Variants in WWP2 observed in about 807,000 individuals in gnomAD.
WWP2 encodes the protein NEDD4-like E3 ubiquitin-protein ligase WWP2.
Under a neutral mutation model 121.0 loss-of-function variants are expected in WWP2, and 57 were observed. The ratio of observed to expected loss-of-function variants is 0.47; its 90% CI spans 0.38 to 0.59. The LOEUF (loss-of-function observed/expected upper bound fraction) is 0.59, where lower values mean the gene tolerates loss of function less well. Among genes scored for constraint, WWP2 ranks in the 20% least tolerant of loss-of-function variants. The pLI, the probability that WWP2 is intolerant of heterozygous loss-of-function variation, is 0.00. For missense variants in WWP2, 962 were observed against 1,158.9 expected (o/e 0.83, Z 2.47); for synonymous variants, 449 against 441.3 (o/e 1.02, Z -0.22).
At chr16:69,828,502 G>A (rs1597014015) in intron 4 of WWP2, among the ~76,000 whole-genome samples, 1 of 152,106 alleles carries the variant, frequency 6.6e-6, no homozygotes, top group Admixed American at 6.6e-5. Context: ...GAGTAGCTGG[G>A]ATCACAGGCA....
At chr16:69,926,826 C>T (rs1440011738) in intron 11 of WWP2, among the ~76,000 whole-genome samples, 1 of 152,162 alleles carries the variant, frequency 6.6e-6, no homozygotes, top group Admixed American at 6.5e-5. Flanking sequence ...CCTGCGTCGT[C>T]AGTAGGCAGG....
At chr16:69,825,699 C>T (rs1310613343) in intron 4 of WWP2, among the ~76,000 whole-genome samples, 1 of 148,006 alleles carries the variant, frequency 6.8e-6, no homozygotes, top group Non-Finnish European at 1.5e-5. Context: ...GATCACAGCT[C>T]ACTGCAGCCT....
intron 4 of WWP2, among the ~76,000 whole-genome samples, chr16:69,802,895 G>A (rs1395651537): frequency 2.6e-5 from 4 of 151,854 alleles, no homozygotes; most frequent in Admixed American, 6.6e-5. Flanking sequence ...ATAAACCACC[G>A]CATCTGGCCC....
intron 8 of WWP2, among the ~76,000 whole-genome samples, chr16:69,905,367 T>C (rs1245466784): frequency 6.6e-6 from 1 of 152,188 alleles, no homozygotes; most frequent in African/African-American, 2.4e-5. Flanking sequence ...GTGTACCTTC[T>C]TCCAGGAGAT....
intron 4 of WWP2, among the ~76,000 whole-genome samples, chr16:69,829,357 C>G (rs1193246098): frequency 1.3e-5 from 2 of 152,192 alleles, no homozygotes; most frequent in African/African-American, 4.8e-5. Context: ...CCCTTTAGCA[C>G]TGTGCAGTGG....
chr16:69,917,649 T>C (rs1322228324), intron 9 of WWP2, 60 bp from the exon 10 acceptor site: 16 of 1,570,378 alleles, frequency 1.0e-5, no homozygotes, highest in Middle Eastern at 1.7e-4. Flanking sequence ...GAGACTTTTC[T>C]AGAATTGGGG....
At chr16:69,833,455 G>A (rs1399343857) in intron 4 of WWP2, among the ~76,000 whole-genome samples, 1 of 152,174 alleles carries the variant, frequency 6.6e-6, no homozygotes, top group East Asian at 1.9e-4. Flanking sequence ...GGCACATGGT[G>A]TCTGATTGTC....
At chr16:69,812,126 T>C (rs534466005) in intron 4 of WWP2, among the ~76,000 whole-genome samples, 1 of 151,730 alleles carries the variant, frequency 6.6e-6, no homozygotes, top group African/African-American at 2.4e-5. Flanking sequence ...ATGTCTTTCA[T>C]GACATTGGCA....
In WWP2 at chr16:69,798,756, C is replaced by G. The variant is rs372438560; in HGVS notation, c.145C>G (p.Leu49Val). 6.2e-7 allele frequency: 1 copy of G among 1,613,932 alleles called. No homozygotes were observed. The highest frequency in any genetic ancestry group is 1.3e-5 in the African/African-American group (1 of 74,874). ...NSYVEVAVDG[L>V]PSETKKTGKR... The stretch of plus-strand genomic sequence containing the variant: ...CTACGTGGAGGTGGCGGTGGATGGA[C>G]TCCCCAGTGAGACCAAGAAGACTGG... The change falls in exon 3 of 24, where the codon CTC becomes GTC. Residue 49 changes from leucine (L) to valine (V), a missense_variant. Around this residue, in one of 3 missense-constraint regions of WWP2, gnomAD observed 145 missense variants for 189.8 expected, o/e 0.76. Coordinates refer to ENST00000359154, the MANE Select transcript of WWP2 (RefSeq NM_001270454.2).
chr16:69,831,339 C>G (rs1435759709), intron 4 of WWP2, among the ~76,000 whole-genome samples: 1 of 152,112 alleles, frequency 6.6e-6, no homozygotes, highest in Non-Finnish European at 1.5e-5. Flanking sequence ...GAAAATACCC[C>G]AAACTAGAAA....
Position 69,915,877 on chromosome 16 carries a change from T to A in WWP2, c.1005-1832T>A, listed in dbSNP as rs573958583. Among the ~76,000 whole-genome samples, 30 of 151,834 alleles carry A rather than the reference T, an allele frequency of 2.0e-4. No individual in the cohort carries two copies. The South Asian group carries it at 5.6e-3, about 29-fold the overall frequency. ...GGGGAGGCTTCCATGTCTACAAAAATTTTTTTAAAAAATTAGTTGAATGTG... is the reference window on the plus strand; with the variant it reads ...GGGGAGGCTTCCATGTCTACAAAAAATTTTTTAAAAAATTAGTTGAATGTG... On this transcript the variant is annotated intron_variant, in intron 9 of 23. Transcript: ENST00000359154.
At chr16:69,866,800 G>GTATTTATTTATT (rs10525822) in intron 6 of WWP2, among the ~76,000 whole-genome samples, 4 of 139,606 alleles carry the variant, frequency 2.9e-5, no homozygotes, top group African/African-American at 1.1e-4. Context: ...TTTCAGTTCC[G>GTATTTATTTATT]TATTTATTTA....
At chr16:69,844,458 C>T (rs999243577) in intron 6 of WWP2, among the ~76,000 whole-genome samples, 1 of 152,192 alleles carries the variant, frequency 6.6e-6, no homozygotes, top group African/African-American at 2.4e-5. Context: ...AAGTTTGTCT[C>T]AAACACACCC....
At chr16:69,873,853 A>G (rs971464955) in intron 7 of WWP2, among the ~76,000 whole-genome samples, 2 of 152,112 alleles carry the variant, frequency 1.3e-5, no homozygotes, top group Non-Finnish European at 2.9e-5. Flanking sequence ...CTATTGGTGA[A>G]TTGATTTTCT....
chr16:69,888,031 A>G lies in WWP2; in HGVS notation c.704-8A>G, dbSNP rs780510975. On this transcript the variant is annotated splice_region_variant and splice_polypyrimidine_tract_variant and intron_variant, in intron 7 of 23. Coordinates refer to ENST00000359154, the MANE Select transcript of WWP2 (RefSeq NM_001270454.2). ...TTGATCTTTAAAGTATGATTTGTGC[A>G]TCTTCAGTGAATGATGAACCCACAA... The G allele has an allele frequency of 6.2e-7, 1 of 1,614,058 alleles. No individual in the cohort carries two copies. The highest frequency in any genetic ancestry group is 1.1e-5 in the South Asian group (1 of 91,072).
chr16:69,852,498 T>C (rs2057236569), intron 6 of WWP2, among the ~76,000 whole-genome samples: 3 of 152,204 alleles, frequency 2.0e-5, no homozygotes. Flanking sequence ...GGTCTCGAAC[T>C]CCTGACCTCA....
rs767170171 is a variant in WWP2, at chr16:69,888,094, G to A, written c.759G>A (p.Val253=). ...TDPEEPSVVG[V]TSPPAAPLSV... is the part of the protein sequence containing the mutation. ...CCGAAGAACCTTCCGTTGTTGGTGT[G>A]ACGTCCCCACCTGCTGCACCCTTGA... Residue 253 remains valine (V), a synonymous_variant, in exon 8 of 24, where the codon GTG becomes GTA. Transcript: ENST00000359154. 2.5e-6 allele frequency: 4 copies of A among 1,614,194 alleles called. No homozygotes were observed. Among genetic ancestry groups the A allele is most frequent in the Non-Finnish European group, 3.4e-6 (4 of 1,180,034 alleles).
At position 69,939,892 on chromosome 16, in the gene WWP2, G is replaced by A; in HGVS notation, c.2565G>A (p.Glu855=). The part of the protein sequence containing the change: ...PPYKSYEQLR[E]KLLYAIEETE... ...ACAAGAGCTACGAACAGCTGAGAGA[G>A]AAGCTGCTGTATGCCATTGAGGAGA... Residue 855 remains glutamate (E), a synonymous_variant, in exon 24 of 24, where the codon GAG becomes GAA. Transcript: ENST00000359154. 6.2e-7 allele frequency: 1 copy of A among 1,614,006 alleles called. No individual in the cohort carries two copies. Among genetic ancestry groups the A allele is most frequent in the Non-Finnish European group, 8.5e-7 (1 of 1,179,938 alleles).
At chr16:69,850,849 GT>G (rs1217537047) in intron 6 of WWP2, among the ~76,000 whole-genome samples, 5 of 151,534 alleles carry the variant, frequency 3.3e-5, no homozygotes, top group South Asian at 2.1e-4. Flanking sequence ...AATCTGCCGT[GT>G]TTTTTTTAGA....
Sources: gnomAD v4.1 joint callset for allele counts (sites outside exome capture counted in the v4.1 genomes callset) on GRCh38, gnomAD v4.1.1 for gene constraint, gnomAD v4.1.1 regional missense constraint, MANE v1.5 for transcripts, NCBI Gene and HGNC (gene_info 2026-07-23, HGNC 2026-07-21) for gene names.